CACHD1: variants seen among roughly 807,000 people sequenced by gnomAD.
The protein encoded by CACHD1 is VWFA and cache domain-containing protein 1.
CACHD1 carries 71 observed loss-of-function variants against 138.7 expected under a neutral mutation model. That is an observed-to-expected ratio of 0.51 (90% CI 0.42 to 0.62). The LOEUF (loss-of-function observed/expected upper bound fraction) is 0.62, where lower values mean the gene tolerates loss of function less well. CACHD1 is among the 20% of genes least tolerant of loss of function. CACHD1 has a pLI of 0.00. For synonymous variants in CACHD1, 578 were observed against 591.5 expected (o/e 0.98, Z 0.33); for missense variants, 1,389 against 1,625.3 (o/e 0.85, Z 2.50).
intron 13 of CACHD1, among the ~76,000 whole-genome samples, chr1:64,659,188 G>A (rs1203831747): frequency 6.6e-6 from 1 of 152,164 alleles, no homozygotes; most frequent in African/African-American, 2.4e-5. Flanking sequence ...AGTTCAGCCT[G>A]GTCTTCTAGG....
intron 4 of CACHD1, among the ~76,000 whole-genome samples, chr1:64,623,049 CAT>C (rs1427202473): frequency 3.9e-5 from 6 of 152,170 alleles, no homozygotes; most frequent in South Asian, 2.1e-4. Context: ...GGTTTTAAGA[CAT>C]ATTTAAAATT....
intron 26 of CACHD1, among the ~76,000 whole-genome samples, chr1:64,684,363 C>CTTTTTTTTTTTT (rs397980387): frequency 9.3e-4 from 51 of 54,892 alleles, no homozygotes; most frequent in Non-Finnish European, 1.3e-3. Flanking sequence ...TCTTCTTCTT[C>CTTTTTTTTTTTT]TTTTTTTTTT....
At chr1:64,608,587 T>C (rs1436758) in intron 4 of CACHD1, among the ~76,000 whole-genome samples, 151,347 of 152,338 alleles carry the variant, frequency 0.99, 75,191 homozygotes, top group Middle Eastern at 1. Flanking sequence ...ATCCAACACA[T>C]ATGTGTATTC....
At position 64,535,947 on chromosome 1, in the gene CACHD1, T is replaced by C. The variant is rs1198595247; in HGVS notation, c.199-14647T>C. 2.6e-5 allele frequency among the ~76,000 whole-genome samples: 4 copies of C among 152,176 alleles called. No homozygotes were observed. In the East Asian group the frequency reaches 7.7e-4, roughly 29 times the overall value. On this transcript the variant is annotated intron_variant, in intron 1 of 26. Transcript: ENST00000651257. ...GCGTCAGAAATCCAATTTATGCAAC[T>C]GTTATTGAGCCCCTACATTGTGCTC...
rs1459130183 is a variant in CACHD1, at chr1:64,634,244, C to A, written c.990C>A (p.Asn330Lys). 6 of 1,613,736 alleles carry A rather than the reference C, an allele frequency of 3.7e-6. No homozygotes were observed. Among genetic ancestry groups the A allele is most frequent in the Non-Finnish European group, 5.1e-6 (6 of 1,179,940 alleles). ...AFQLIRSTNN[N>K]TKFQANTDMV... is the part of the protein sequence containing the mutation. Reference sequence around the variant, plus strand: ...AGCTGATTCGAAGTACAAACAATAACACAAAGTTCCAAGCAAGTGAGTGCG... The same window carrying A: ...AGCTGATTCGAAGTACAAACAATAAAACAAAGTTCCAAGCAAGTGAGTGCG... Residue 330 changes from asparagine to lysine, a missense_variant, in exon 7 of 27, where the codon AAC (asparagine) becomes AAA (lysine). Asn to Lys is a moderately conservative substitution (Grantham distance 94, BLOSUM62 0). Transcript: ENST00000651257.
chr1:64,669,214 T>C (rs954542848), intron 16 of CACHD1, among the ~76,000 whole-genome samples: 2 of 152,212 alleles, frequency 1.3e-5, no homozygotes, highest in African/African-American at 4.8e-5. Context: ...GAGGCTGTAA[T>C]ACCTGCATTG....
intron 17 of CACHD1, among the ~76,000 whole-genome samples, chr1:64,672,951 C>A (rs139082181): frequency 1.7e-4 from 26 of 152,176 alleles, no homozygotes; most frequent in Non-Finnish European, 3.1e-4. Flanking sequence ...TTACCTTAAC[C>A]TCTACTCTAG....
intron 4 of CACHD1, among the ~76,000 whole-genome samples, chr1:64,614,298 CTCT>C (rs1225689707): frequency 6.6e-6 from 1 of 151,990 alleles, no homozygotes; most frequent in East Asian, 1.9e-4. Flanking sequence ...CTATGTGTTG[CTCT>C]TCTTATTTGG....
At chr1:64,540,193 G>C (rs919541232) in intron 1 of CACHD1, among the ~76,000 whole-genome samples, 1 of 152,060 alleles carries the variant, frequency 6.6e-6, no homozygotes, top group African/African-American at 2.4e-5. Flanking sequence ...TGTACACACA[G>C]AACACTGAAT....
rs115162062 is a variant in CACHD1, at chr1:64,681,704, G to C, written c.3485-301G>C. Among the ~76,000 whole-genome samples, 1,501 of 151,908 alleles carry C rather than the reference G, an allele frequency of 9.9e-3. 15 individuals are homozygous for C. Among genetic ancestry groups the C allele is most frequent in the African/African-American group, 0.035 (1,441 of 41,398 alleles). On this transcript the variant is annotated intron_variant, in intron 25 of 26. Transcript: ENST00000651257. ...TCCCTTAACTAGTATGTACAACTCAGGGAGGAAAAAAGAGCATTTTCTTTA... is the reference window on the plus strand; with the variant it reads ...TCCCTTAACTAGTATGTACAACTCACGGAGGAAAAAAGAGCATTTTCTTTA...
At chr1:64,620,846 T>C (rs994742976) in intron 4 of CACHD1, among the ~76,000 whole-genome samples, 2 of 152,198 alleles carry the variant, frequency 1.3e-5, no homozygotes, top group Non-Finnish European at 2.9e-5. Flanking sequence ...AGATTCTGTC[T>C]TCTCCAGACT....
intron 26 of CACHD1, among the ~76,000 whole-genome samples, chr1:64,684,383 T>G (rs1650293260): frequency 1.4e-5 from 2 of 147,874 alleles, no homozygotes; most frequent in Non-Finnish European, 3.0e-5. Context: ...TTTTTTTTTT[T>G]TGGAGACACT....
At chr1:64,596,921 C>A (rs1482758116) in intron 3 of CACHD1, among the ~76,000 whole-genome samples, 1 of 152,064 alleles carries the variant, frequency 6.6e-6, no homozygotes, top group East Asian at 1.9e-4. Context: ...TTGGAACTGA[C>A]ACTGTGGGTG....
At chr1:64,549,816 C>A (rs1646745922) in intron 1 of CACHD1, among the ~76,000 whole-genome samples, 1 of 149,462 alleles carries the variant, frequency 6.7e-6, no homozygotes, top group African/African-American at 2.4e-5. Context: ...TTTTTTGCTC[C>A]TCTAGCAGAT....
At chr1:64,513,304 G>A (rs1646435680) in intron 1 of CACHD1, among the ~76,000 whole-genome samples, 1 of 152,174 alleles carries the variant, frequency 6.6e-6, no homozygotes, top group African/African-American at 2.4e-5. Flanking sequence ...AATCAAAAAT[G>A]TCAAGTGTCC....
intron 9 of CACHD1, 91 bp from the exon 10 acceptor site, chr1:64,652,070 G>A (rs1469523356): frequency 8.7e-7 from 1 of 1,151,998 alleles, no homozygotes; most frequent in African/African-American, 1.6e-5. Context: ...ACAGCTGATA[G>A]AAGCCTTCAT....
intron 12 of CACHD1, 36 bp downstream of exon 12, chr1:64,654,839 A>T: frequency 7.0e-7 from 1 of 1,433,414 alleles, no homozygotes; most frequent in East Asian, 2.3e-5. Flanking sequence ...TTGAAGAGCT[A>T]CAGGGTACAG....
intron 1 of CACHD1, among the ~76,000 whole-genome samples, chr1:64,495,888 T>C (rs1474188651): frequency 6.6e-6 from 1 of 152,218 alleles, no homozygotes; most frequent in African/African-American, 2.4e-5. Flanking sequence ...AAAGTTGGAA[T>C]ATCTAATCCA....
intron 4 of CACHD1, among the ~76,000 whole-genome samples, chr1:64,622,647 G>C (rs969883316): frequency 6.6e-6 from 1 of 152,102 alleles, no homozygotes; most frequent in East Asian, 1.9e-4. Flanking sequence ...TAATACGGAA[G>C]TACTATATGT....
Sources: allele counts gnomAD v4.1 joint callset (sites outside exome capture counted in the v4.1 genomes callset), GRCh38; gene constraint gnomAD v4.1.1; transcripts MANE v1.5; gene names NCBI Gene and HGNC (gene_info 2026-07-23, HGNC 2026-07-21).